The following LAMA5 variants were observed in gnomAD, a reference collection of about 807,000 sequenced individuals.
LAMA5 encodes laminin subunit alpha 5, also known as laminin subunit alpha-5.
LAMA5 carries 260 observed loss-of-function variants against 433.4 expected under a neutral mutation model. That is an observed-to-expected ratio of 0.60 (90% CI 0.54 to 0.66). The LOEUF is 0.66. LAMA5 is among the 30% of genes least tolerant of loss of function. The pLI is 0.00. For synonymous variants in LAMA5, 2,620 were observed against 2,226.6 expected (o/e 1.18, Z -4.97); for missense variants, 5,378 against 5,258.5 (o/e 1.02, Z -0.70).
chr20:62,314,584 G>A lies in LAMA5; in HGVS notation c.8338C>T (p.Arg2780Cys), dbSNP rs536962457. 17 of 1,611,576 alleles carry A rather than the reference G, an allele frequency of 1.1e-5. No individual in the cohort carries two copies. In the African/African-American group the frequency reaches 1.3e-4, roughly 13 times the overall value. Residue 2780 changes from arginine (R) to cysteine (C), a missense_variant, in exon 61 of 80, where the codon CGC (arginine) becomes TGC (cysteine). By Grantham distance (180) the Arg-to-Cys change is radical. Coordinates refer to ENST00000252999, the MANE Select transcript of LAMA5 (RefSeq NM_005560.6). ...CGGCTGCCCATGTACATCACAAAGC[G>A]ATCCTCGGTACCCTGCCCAGGCTCA... ...EPEPGQGTED[R>C]FVMYMGSRQA...
chr20:62,352,385 G>A lies in LAMA5; in HGVS notation c.569-25C>T, dbSNP rs1347436032. The A allele has an allele frequency of 1.9e-6, 3 of 1,566,702 alleles. No individual in the cohort carries two copies. In the East Asian group the frequency reaches 6.7e-5, roughly 35 times the overall value. On this transcript the variant is annotated intron_variant, in intron 3 of 79. Coordinates refer to ENST00000252999, the MANE Select transcript of LAMA5 (RefSeq NM_005560.6). ...GCTGCGGGGAATGGCGGGAGGGGAG[G>A]GCGCTGGATCACCAGAAAAGCCTGG... is the stretch of plus-strand genomic sequence containing the variant.
rs1374536303 is a variant in LAMA5 at position 62,317,028 on chromosome 20, A to C, written c.7512-5T>G. On this transcript the variant is annotated splice_polypyrimidine_tract_variant and splice_region_variant and intron_variant, in intron 55 of 79. Transcript: ENST00000252999. ...TGGTTGACGTCCAGGATGATGCTGC[A>C]GCGGAAGGGAGGGTCGAAGGAGTGG... 2.0e-6 allele frequency: 3 copies of C among 1,519,888 alleles called. No individual in the cohort carries two copies. The highest frequency in any genetic ancestry group is 2.6e-6 in the Non-Finnish European group (3 of 1,132,394). 94.2% of individuals were successfully genotyped at this position (1,519,888 alleles called of 1,614,324 possible). A position where few individuals can be genotyped will look rare whatever the true frequency, so the allele number is the denominator to read the frequency against.
rs199737407 is a variant in LAMA5, at chr20:62,311,517, C to G, written c.9826G>C (p.Val3276Leu). ...CCCAGGTTCTGCTGCAGATCAAATA[C>G]GCGCTGTGGGCCCAGGAGCCTGTGC... ...FVQRLLGPQR[V>L]FDLQQNLGSV... The change falls in exon 72 of 80, where the codon GTA becomes CTA. Residue 3276 changes from valine to leucine, a missense_variant. By Grantham distance (32) the Val-to-Leu change is conservative. Transcript: ENST00000252999. 1.6e-5 allele frequency: 25 copies of G among 1,610,966 alleles called. No homozygotes were observed. The highest frequency in any genetic ancestry group is 1.9e-5 in the Non-Finnish European group (22 of 1,179,038).
intron 58 of LAMA5, 105 bp downstream of exon 58, chr20:62,315,843 T>C: frequency 2.3e-6 from 2 of 861,318 alleles, no homozygotes; most frequent in Non-Finnish European, 3.6e-6. Context: ...TGTGGGGGTC[T>C]CTTCCACAGC....
At chr20:62,330,680 C>T (rs1980199967) in intron 30 of LAMA5, 63 bp downstream of exon 30, 1 of 1,560,440 alleles carries the variant, frequency 6.4e-7, no homozygotes, top group South Asian at 1.2e-5. Flanking sequence ...GACAACCTGC[C>T]CTGGGTTGGG....
Position 62,325,433 on chromosome 20 carries a change from CGAG to C in LAMA5, c.5409_5411del (p.Ser1804del), listed in dbSNP as rs1226251096. 2 of 1,612,362 alleles carry C rather than the reference CGAG, an allele frequency of 1.2e-6. No individual in the cohort carries two copies. The highest frequency in any genetic ancestry group is 8.5e-7 in the Non-Finnish European group (1 of 1,179,586). On this transcript the variant is annotated inframe_deletion, in exon 41 of 80. Transcript: ENST00000252999. ...GTGCCACCCTGCGCAGGAAGACAGCCGAGGAGATCTGTGAGAAGAGGGCACGGA... is the reference window on the plus strand; with the variant it reads ...GTGCCACCCTGCGCAGGAAGACAGCCGAGATCTGTGAGAAGAGGGCACGGA...
At chr20:62,347,106 CCTG>C in intron 6 of LAMA5, 78 bp from the exon 7 acceptor site, 4 of 1,076,296 alleles carry the variant, frequency 3.7e-6, no homozygotes, top group Non-Finnish European at 5.5e-6. Flanking sequence ...CCTGAAGGGG[CCTG>C]TGATCCCCTC....
At chr20:62,347,056 G>C (rs537259546) in intron 6 of LAMA5, 28 bp from the exon 7 acceptor site, 2 of 1,564,478 alleles carry the variant, frequency 1.3e-6, no homozygotes, top group East Asian at 2.3e-5. Flanking sequence ...GGGGGGATCA[G>C]GCCCATCCTG....
rs3065756 is a variant in LAMA5 at position 62,329,365 on chromosome 20, GCAGCCCAGCCCAGCC to G, written c.4120-127_4120-113del. On this transcript the variant is annotated intron_variant, in intron 32 of 79. Coordinates refer to ENST00000252999, the MANE Select transcript of LAMA5 (RefSeq NM_005560.6). ...CAGGCAGCTCAGAGTCCTGGCAGCA[GCAGCCCAGCCCAGCC>G]CAGCCCAGCCCTGGGCCCTGGCTGC... The G allele has an allele frequency of 0.077, 49,885 of 646,886 alleles. 2,575 individuals carry two copies. Among genetic ancestry groups the G allele is most frequent in the South Asian group, 0.17 (9,008 of 52,342 alleles). The allele number at this position is 646,886 out of a possible 1,614,324, so 40.1% of individuals were successfully genotyped here.
In LAMA5 at chr20:62,309,401, C is replaced by T. The variant is rs761625160; in HGVS notation, c.11023G>A (p.Val3675Ile). ...MRRLAVNRSP[V>I]AMTRSVEVHG... ...ACCTCCACAGAGCGAGTCATGGCGA[C>T]GGGGGACCGGTTCACCGCCAGCCTC... is the stretch of plus-strand genomic sequence containing the variant. Residue 3675 changes from valine to isoleucine, a missense_variant, in exon 80 of 80, where the codon GTC becomes ATC. Val to Ile is a conservative substitution (Grantham distance 29). Transcript: ENST00000252999. 5.0e-5 allele frequency: 80 copies of T among 1,585,330 alleles called. No homozygotes were observed. Among genetic ancestry groups the T allele is most frequent in the Admixed American group, 8.6e-5 (5 of 58,164 alleles).
At chr20:62,354,472 T>C (rs981746021) in intron 2 of LAMA5, among the ~76,000 whole-genome samples, 2 of 151,944 alleles carry the variant, frequency 1.3e-5, no homozygotes, top group Non-Finnish European at 2.9e-5. Context: ...TGGGCCTCCA[T>C]GCCTGCACCT....
Position 62,326,871 on chromosome 20 carries a change from C to T in LAMA5, c.5208G>A (p.Val1736=). ...FVPMESRPDV[V]LQGNQMSITF... ...ATCATCTCAGCTCCCTCACCTGCAG[C>T]ACCACATCCGGCCTGCTCTCCATGG... Residue 1736 remains valine (V), a synonymous_variant, in exon 39 of 80, where the codon GTG becomes GTA. Coordinates refer to ENST00000252999, the MANE Select transcript of LAMA5 (RefSeq NM_005560.6). The T allele has an allele frequency of 6.2e-7, 1 of 1,610,520 alleles. No homozygotes were observed. Among genetic ancestry groups the T allele is most frequent in the South Asian group, 1.1e-5 (1 of 90,960 alleles).
rs551799311 is a variant in LAMA5 at position 62,363,621 on chromosome 20, C to T, written c.298-1069G>A. ...CCAGGAAACCAGATCTGCTGTTTGT[C>T]CACACAAAGGCGCCCTCCCAGGCTT... is the stretch of plus-strand genomic sequence containing the variant. On this transcript the variant is annotated intron_variant, in intron 1 of 79. Coordinates refer to ENST00000252999, the MANE Select transcript of LAMA5 (RefSeq NM_005560.6). Among the ~76,000 whole-genome samples the T allele has an allele frequency of 4.6e-5, 7 of 152,216 alleles. No individual in the cohort carries two copies. The South Asian group carries it at 1.5e-3, about 32-fold the overall frequency.
rs538111105 is a variant in LAMA5 at position 62,317,422 on chromosome 20, C to T, written c.7434G>A (p.Ala2478=). ...LLQRMQTFSP[A]GSKLRLVEAA... ...CCTCCACTAGACGCAGCTTGCTGCC[C>T]GCCGGGGAGAAGGTCTGCATCCTCT... The change falls in exon 55 of 80, where the codon GCG becomes GCA. Residue 2478 remains alanine, a synonymous_variant. Coordinates refer to ENST00000252999, the MANE Select transcript of LAMA5 (RefSeq NM_005560.6). The T allele has an allele frequency of 9.5e-5, 152 of 1,606,374 alleles. 1 individual carries two copies. The highest frequency in any genetic ancestry group is 5.0e-4 in the South Asian group (45 of 90,352).
intron 11 of LAMA5, among the ~76,000 whole-genome samples, chr20:62,344,750 G>C (rs1247804178): frequency 6.7e-6 from 1 of 150,164 alleles, no homozygotes; most frequent in Non-Finnish European, 1.5e-5. Context: ...TGCCCGGCCA[G>C]TTTTCTACCT....
In LAMA5 at chr20:62,330,856, G is replaced by A. The variant is rs866151617; in HGVS notation, c.3739C>T (p.Pro1247Ser). ...CQVIPLPPGLPLTHAQDLTPA... is the reference protein window; with the variant it reads ...CQVIPLPPGLSLTHAQDLTPA... ...GTGAGATCCTGCGCGTGGGTCAGCGGGAGGCCGGGCGGCAGCGGGATCACC... is the reference window on the plus strand; with the variant it reads ...GTGAGATCCTGCGCGTGGGTCAGCGAGAGGCCGGGCGGCAGCGGGATCACC... Residue 1247 changes from proline to serine, a missense_variant, in exon 30 of 80, where the codon CCG becomes TCG. Pro to Ser is a moderately conservative substitution (Grantham distance 74). Coordinates refer to ENST00000252999, the MANE Select transcript of LAMA5 (RefSeq NM_005560.6). 6.5e-7 allele frequency: 1 copy of A among 1,541,478 alleles called. No homozygotes were observed. The highest frequency in any genetic ancestry group is 8.7e-7 in the Non-Finnish European group (1 of 1,143,526).
rs933271892 is a variant in LAMA5, at chr20:62,322,176, G to A, written c.6347-8C>T. Reference sequence around the variant, plus strand: ...CCCCAGGGCACTGGCAGCCTGTGGTGGGGGGCTTGGGTGAGCATGGCTGGC... The same window carrying A: ...CCCCAGGGCACTGGCAGCCTGTGGTAGGGGGCTTGGGTGAGCATGGCTGGC... On this transcript the variant is annotated splice_polypyrimidine_tract_variant and splice_region_variant and intron_variant, in intron 47 of 79. Transcript: ENST00000252999. 3 of 1,586,236 alleles carry A rather than the reference G, an allele frequency of 1.9e-6. No homozygotes were observed. The highest frequency in any genetic ancestry group is 4.5e-5 in the East Asian group (2 of 44,048).
intron 50 of LAMA5, 116 bp downstream of exon 50, chr20:62,320,443 C>T (rs994146012): frequency 9.3e-6 from 7 of 750,828 alleles, no homozygotes; most frequent in Non-Finnish European, 1.3e-5. Flanking sequence ...AGCTCCTGTC[C>T]CCTGCACTGA....
intron 1 of LAMA5, among the ~76,000 whole-genome samples, chr20:62,363,219 G>A (rs1025776603): frequency 6.6e-6 from 1 of 152,194 alleles, no homozygotes; most frequent in Non-Finnish European, 1.5e-5. Context: ...CCGGAGGCCT[G>A]TGGGGACCGG....
Sources: gnomAD v4.1 joint callset for allele counts (sites outside exome capture counted in the v4.1 genomes callset) on GRCh38, gnomAD v4.1.1 for gene constraint, MANE v1.5 for transcripts, NCBI Gene and HGNC (gene_info 2026-07-23, HGNC 2026-07-21) for gene names.